The following SCAF1 variants were observed in gnomAD, a reference collection of about 807,000 sequenced individuals.
The protein encoded by SCAF1 is splicing factor, arginine/serine-rich 19.
Under a neutral mutation model 91.2 loss-of-function variants are expected in SCAF1, and 28 were observed. That is an observed-to-expected ratio of 0.31 (90% CI 0.23 to 0.42). The LOEUF is 0.42. Among genes scored for constraint, SCAF1 ranks in the 10% least tolerant of loss-of-function variants. The pLI, the probability that SCAF1 is intolerant of heterozygous loss-of-function variation, is 1.00. For synonymous variants in SCAF1, 1,036 were observed against 833.7 expected (o/e 1.24, Z -4.18); for missense variants, 1,893 against 1,872.1 (o/e 1.01, Z -0.21).
chr19:49,653,646 C>T lies in SCAF1; in HGVS notation c.3257C>T (p.Pro1086Leu), dbSNP rs774628930. The part of the protein sequence containing the change: ...SRVSQLPTLP[P>L]PMPWNLPAGV... Reference sequence around the variant, plus strand: ...GTCTCCCAGCTGCCCACGTTGCCCCCGCCCATGCCCTGGAATCTGCCAGCT... The same window carrying T: ...GTCTCCCAGCTGCCCACGTTGCCCCTGCCCATGCCCTGGAATCTGCCAGCT... Residue 1086 changes from proline to leucine, a missense_variant, in exon 7 of 11, where the codon CCG becomes CTG. Pro to Leu is a moderately conservative substitution (Grantham distance 98). Transcript: ENST00000360565. The T allele has an allele frequency of 1.1e-5, 18 of 1,586,992 alleles. No individual in the cohort carries two copies. The highest frequency in any genetic ancestry group is 2.7e-5 in the African/African-American group (2 of 74,588).
rs1331781636 is a variant in SCAF1 at position 49,642,835 on chromosome 19, C to T, written c.-7+593C>T. 1 of 152,090 alleles carries T rather than the reference C, an allele frequency of 6.6e-6. No individual in the cohort carries two copies. The highest frequency in any genetic ancestry group is 1.5e-5 in the Non-Finnish European group (1 of 67,948). 9.4% of individuals were successfully genotyped at this position (152,090 alleles called of 1,614,324 possible). A position where few individuals can be genotyped will look rare whatever the true frequency, so the allele number is the denominator to read the frequency against. On this transcript the variant is annotated intron_variant, in intron 1 of 10. Transcript: ENST00000360565. This position sits in a 1 kb window ranked among gnomAD's most constrained non-coding sequence, Gnocchi z 4.0. Reference sequence around the variant, plus strand: ...GGGCTAAGAAGTCATTTAGGGCCCCCTAGGGGGTTGGGTTATGCCCACCAG... The same window carrying T: ...GGGCTAAGAAGTCATTTAGGGCCCCTTAGGGGGTTGGGTTATGCCCACCAG...
rs1231731745 is a variant in SCAF1 at position 49,642,977 on chromosome 19, A to T, written c.-7+735A>T. Reference sequence around the variant, plus strand: ...GTTAGAAGGACCTGGAACCATCTAGATGGCTTTAATGTGACTGCAGGAATG... The same window carrying T: ...GTTAGAAGGACCTGGAACCATCTAGTTGGCTTTAATGTGACTGCAGGAATG... On this transcript the variant is annotated intron_variant, in intron 1 of 10. Coordinates refer to ENST00000360565, the MANE Select transcript of SCAF1 (RefSeq NM_021228.3). This position sits in a 1 kb window ranked among gnomAD's most constrained non-coding sequence, Gnocchi z 4.0. Among the ~76,000 whole-genome samples, 1 of 152,194 alleles carries T rather than the reference A, an allele frequency of 6.6e-6. No individual in the cohort carries two copies. Among genetic ancestry groups the T allele is most frequent in the African/African-American group, 2.4e-5 (1 of 41,436 alleles).
At position 49,651,559 on chromosome 19, in the gene SCAF1, G is replaced by A. The variant is rs1410571216; in HGVS notation, c.1170G>A (p.Glu390=). Residue 390 remains glutamate (E), a synonymous_variant, in exon 7 of 11, where the codon GAG becomes GAA. Coordinates refer to ENST00000360565, the MANE Select transcript of SCAF1 (RefSeq NM_021228.3). ...CCCTGCTGCCGCCCGGCGACTCGGA[G>A]ATCGAGGAAGGGGAGATCGTCCAGC... is the stretch of plus-strand genomic sequence containing the variant. ...PPPLLPPGDS[E]IEEGEIVQPE... is the part of the protein sequence containing the mutation. 1.9e-6 allele frequency: 3 copies of A among 1,556,130 alleles called. No individual in the cohort carries two copies. The highest frequency in any genetic ancestry group is 2.6e-6 in the Non-Finnish European group (3 of 1,151,986).
At position 49,654,339 on chromosome 19, in the gene SCAF1, C is replaced by T; in HGVS notation, c.3317-10C>T. 1 of 1,612,672 alleles carries T rather than the reference C, an allele frequency of 6.2e-7. No individual in the cohort carries two copies. The highest frequency in any genetic ancestry group is 8.5e-7 in the Non-Finnish European group (1 of 1,179,366). On this transcript the variant is annotated splice_polypyrimidine_tract_variant and intron_variant, in intron 7 of 10. Transcript: ENST00000360565. ...CCATCTTCATGTTGTCACCTCTCTG[C>T]CTCCTGCAGTGACTGCACTTCTCTT...
At chr19:49,654,580 A>G (rs1211080712) in intron 8 of SCAF1, 72 bp from the exon 9 acceptor site, 1 of 1,391,600 alleles carries the variant, frequency 7.2e-7, no homozygotes, top group Non-Finnish European at 1.0e-6. Flanking sequence ...TCAGCGTGGG[A>G]ACAGTGGGGT....
chr19:49,647,288 C>T (rs965273900), intron 6 of SCAF1, among the ~76,000 whole-genome samples: 3 of 152,330 alleles, frequency 2.0e-5, no homozygotes, highest in East Asian at 1.9e-4. Context: ...ATCTCTTCCT[C>T]CAACCCCACA....
intron 7 of SCAF1, 114 bp from the exon 8 acceptor site, chr19:49,654,235 T>C: frequency 2.4e-6 from 2 of 840,258 alleles, no homozygotes; most frequent in Non-Finnish European, 3.8e-6. Flanking sequence ...TGAGGCTTTG[T>C]GGCTGTTCTG....
chr19:49,645,126 T>C lies in SCAF1; in HGVS notation c.100T>C (p.Phe34Leu), dbSNP rs140307058. The change falls in exon 2 of 11, where the codon TTT becomes CTT. Residue 34 changes from phenylalanine to leucine, a missense_variant. Around this residue, in one of 5 missense-constraint regions of SCAF1, gnomAD observed 270 missense variants for 292.5 expected, o/e 0.92. Transcript: ENST00000360565. The surrounding 1 kb of genome is among the most constrained non-coding windows in gnomAD (Gnocchi z 4.6). ...DRDPTLSPSA[F>L]ILRAIQQAVG... Reference sequence around the variant, plus strand: ...AGACCCCACGCTTTCTCCTTCTGCCTTTATCCTGGTGAGGCTGCTGGGCTC... The same window carrying C: ...AGACCCCACGCTTTCTCCTTCTGCCCTTATCCTGGTGAGGCTGCTGGGCTC... 120 of 1,613,682 alleles carry C rather than the reference T, an allele frequency of 7.4e-5. No homozygotes were observed. The highest frequency in any genetic ancestry group is 9.9e-5 in the Non-Finnish European group (117 of 1,179,768).
In SCAF1 at chr19:49,650,962, CTCTGCATCCT is replaced by C; in HGVS notation, c.574_583del (p.Ser192ProfsTer116). ...GCCCTGCCCCACCCCCTGCCCCCTC[CTCTGCATCCT>C]CCTCCCCTTCCCCTTCTCCCTCATC... On this transcript the variant is annotated frameshift_variant, in exon 7 of 11. Transcript: ENST00000360565. LOFTEE classifies it high-confidence loss of function. 1 of 1,506,988 alleles carries C rather than the reference CTCTGCATCCT, an allele frequency of 6.6e-7. No individual in the cohort carries two copies. The allele number at this position is 1,506,988 out of a possible 1,614,324, so 93.4% of individuals were successfully genotyped here.
At position 49,657,084 on chromosome 19, in the gene SCAF1, A is replaced by G. The variant is rs953015671; in HGVS notation, c.3619-677A>G. Among the ~76,000 whole-genome samples, 7 of 152,182 alleles carry G rather than the reference A, an allele frequency of 4.6e-5. No homozygotes were observed. In the East Asian group the frequency reaches 1.4e-3, roughly 29 times the overall value. On this transcript the variant is annotated intron_variant, in intron 9 of 10. Coordinates refer to ENST00000360565, the MANE Select transcript of SCAF1 (RefSeq NM_021228.3). ...TGGGAAGATCGCTTTAGCCCAGGAGACCAGGGGTACAGTGAGCAGTGATTG... is the reference window on the plus strand; with the variant it reads ...TGGGAAGATCGCTTTAGCCCAGGAGGCCAGGGGTACAGTGAGCAGTGATTG...
In SCAF1 at chr19:49,646,433, T is replaced by C. The variant is rs1387491836; in HGVS notation, c.262-93T>C. 1.8e-6 allele frequency: 2 copies of C among 1,138,220 alleles called. No individual in the cohort carries two copies. Among genetic ancestry groups the C allele is most frequent in the Admixed American group, 1.8e-5 (1 of 56,402 alleles). 70.5% of individuals were successfully genotyped at this position (1,138,220 alleles called of 1,614,324 possible). A position where few individuals can be genotyped will look rare whatever the true frequency, so the allele number is the denominator to read the frequency against. ...TCAGTTTTCTTGGGGATCTTAGATG[T>C]CTGGGTTCCTGAGAGGTTAGGGAGT... On this transcript the variant is annotated intron_variant, in intron 4 of 10. Coordinates refer to ENST00000360565, the MANE Select transcript of SCAF1 (RefSeq NM_021228.3). The surrounding 1 kb of genome is among the most constrained non-coding windows in gnomAD (Gnocchi z 5.6).
At position 49,651,551 on chromosome 19, in the gene SCAF1, G is replaced by A. The variant is rs1471807266; in HGVS notation, c.1162G>A (p.Asp388Asn). ...ALPPPLLPPG[D>N]SEIEEGEIVQ... Reference sequence around the variant, plus strand: ...CCCGCCGCCCCTGCTGCCGCCCGGCGACTCGGAGATCGAGGAAGGGGAGAT... The same window carrying A: ...CCCGCCGCCCCTGCTGCCGCCCGGCAACTCGGAGATCGAGGAAGGGGAGAT... Residue 388 changes from aspartate (D) to asparagine (N), a missense_variant, in exon 7 of 11, where the codon GAC becomes AAC. Around this residue, in one of 5 missense-constraint regions of SCAF1, gnomAD observed 1,436 missense variants for 1,306.8 expected, o/e 1.10. Transcript: ENST00000360565. 2 of 1,559,098 alleles carry A rather than the reference G, an allele frequency of 1.3e-6. No individual in the cohort carries two copies. Among genetic ancestry groups the A allele is most frequent in the Non-Finnish European group, 1.7e-6 (2 of 1,153,470 alleles).
In SCAF1 at chr19:49,642,256, G is replaced by T. The variant is rs1259453402; in HGVS notation, c.-7+14G>T. ...CCGAGCGGCGGGGTAAGATGGCGGCGGCAGTCCGGGCCGCGGGGCTCGGGC... is the reference window on the plus strand; with the variant it reads ...CCGAGCGGCGGGGTAAGATGGCGGCTGCAGTCCGGGCCGCGGGGCTCGGGC... On this transcript the variant is annotated intron_variant, in intron 1 of 10. Coordinates refer to ENST00000360565, the MANE Select transcript of SCAF1 (RefSeq NM_021228.3). The surrounding 1 kb of genome is among the most constrained non-coding windows in gnomAD (Gnocchi z 4.0). The T allele has an allele frequency of 1.3e-5, 2 of 152,140 alleles. No individual in the cohort carries two copies. Among genetic ancestry groups the T allele is most frequent in the East Asian group, 1.9e-4 (1 of 5,178 alleles). 9.4% of individuals were successfully genotyped at this position (152,140 alleles called of 1,614,324 possible).
chr19:49,646,458 TG>T lies in SCAF1; in HGVS notation c.262-64del. ...TCTGGGTTCCTGAGAGGTTAGGGAGTGGGGAAGCAGGATTTGCCAGTCTTCA... is the reference window on the plus strand; with the variant it reads ...TCTGGGTTCCTGAGAGGTTAGGGAGTGGGAAGCAGGATTTGCCAGTCTTCA... On this transcript the variant is annotated intron_variant, in intron 4 of 10. Transcript: ENST00000360565. The surrounding 1 kb of genome is among the most constrained non-coding windows in gnomAD (Gnocchi z 5.6). 1 of 1,380,132 alleles carries T rather than the reference TG, an allele frequency of 7.2e-7. No homozygotes were observed. The allele number at this position is 1,380,132 out of a possible 1,614,324, so 85.5% of individuals were successfully genotyped here.
chr19:49,656,921 G>A (rs902437152), intron 9 of SCAF1, among the ~76,000 whole-genome samples: 1 of 152,214 alleles, frequency 6.6e-6, no homozygotes, highest in Non-Finnish European at 1.5e-5. Flanking sequence ...TCGCAAGGCC[G>A]AGGCGGGTGA....
Position 49,651,871 on chromosome 19 carries a change from C to T in SCAF1, c.1482C>T (p.Tyr494=). ...TCCTGACCCAACGGCGGGAGCGCTA[C>T]CGCCAGCGCTCGCCCTCCCCGGCGC... ...RKILTQRRER[Y]RQRSPSPAPA... is the part of the protein sequence containing the mutation. The change falls in exon 7 of 11, where the codon TAC becomes TAT. Residue 494 remains tyrosine, a synonymous_variant. Coordinates refer to ENST00000360565, the MANE Select transcript of SCAF1 (RefSeq NM_021228.3). The T allele has an allele frequency of 4.1e-6, 5 of 1,229,650 alleles. No homozygotes were observed. The South Asian group carries it at 8.5e-5, about 21-fold the overall frequency. The allele number at this position is 1,229,650 out of a possible 1,614,324, so 76.2% of individuals were successfully genotyped here. A position where few individuals can be genotyped will look rare whatever the true frequency, so the allele number is the denominator to read the frequency against.
chr19:49,653,534 A>G lies in SCAF1; in HGVS notation c.3145A>G (p.Ser1049Gly). ...EQQPATTTAT[S>G]TAAAAPSTAP... ...GCAGCCTGCTACCACCACGGCCACC[A>G]GCACTGCTGCAGCCGCCCCAAGCAC... The change falls in exon 7 of 11, where the codon AGC becomes GGC. Residue 1049 changes from serine (S) to glycine (G), a missense_variant. Transcript: ENST00000360565. 6.3e-7 allele frequency: 1 copy of G among 1,579,830 alleles called. No individual in the cohort carries two copies.
chr19:49,655,051 G>A (rs536151379), intron 9 of SCAF1, among the ~76,000 whole-genome samples, 181 bp downstream of exon 9: 3 of 152,310 alleles, frequency 2.0e-5, no homozygotes, highest in East Asian at 3.9e-4. Context: ...CAGGAAATGC[G>A]TTAGGCGTGT....
At chr19:49,649,943 CT>C (rs1229105060) in intron 6 of SCAF1, among the ~76,000 whole-genome samples, 2 of 152,236 alleles carry the variant, frequency 1.3e-5, no homozygotes, top group African/African-American at 4.8e-5. Flanking sequence ...CTCTTGACCC[CT>C]CTCCTTCCCT....
Sources: allele counts gnomAD v4.1 joint callset (sites outside exome capture counted in the v4.1 genomes callset), GRCh38; gene constraint gnomAD v4.1.1; regional missense constraint gnomAD v4.1.1; non-coding constraint Gnocchi (gnomAD v3.1); transcripts MANE v1.5; gene names NCBI Gene and HGNC (gene_info 2026-07-23, HGNC 2026-07-21).